The following ADCY10 variants were observed in gnomAD, a reference collection of about 807,000 sequenced individuals.
ADCY10 encodes the protein adenylate cyclase type 10.
In ADCY10, 156 loss-of-function variants were observed where a neutral mutation model predicts 183.3. The observed-to-expected ratio is 0.85, with a 90% CI of 0.75 to 0.97. The LOEUF (loss-of-function observed/expected upper bound fraction) is 0.97, where lower values mean the gene tolerates loss of function less well. Among genes scored for constraint, ADCY10 ranks in the 50% least tolerant of loss-of-function variants. The pLI, the probability that ADCY10 is intolerant of heterozygous loss-of-function variation, is 0.00. For synonymous variants in ADCY10, 645 were observed against 670.0 expected, an observed-to-expected ratio of 0.96 and a Z score of 0.58; for missense variants, 1,745 against 1,934.3, an observed-to-expected ratio of 0.90 and a Z score of 1.84.
rs544204191 is a variant in ADCY10 at position 167,878,441 on chromosome 1, C to T, written c.1406+5G>A. On this transcript the variant is annotated splice_donor_5th_base_variant and intron_variant, in intron 12 of 32. Transcript: ENST00000367851. The stretch of plus-strand genomic sequence containing the variant: ...TATACTTCAAAATTAATGCTCCACA[C>T]TCACACTTTCTCAGTACGGCCCCAA... 14 of 1,613,464 alleles carry T rather than the reference C, an allele frequency of 8.7e-6. No homozygotes were observed. The highest frequency in any genetic ancestry group is 8.3e-5 in the Admixed American group (5 of 60,018).
chr1:167,839,892 C>T (rs1234072510), intron 21 of ADCY10, among the ~76,000 whole-genome samples: 3 of 152,114 alleles, frequency 2.0e-5, no homozygotes, highest in South Asian at 4.2e-4. Flanking sequence ...AATGCTATTC[C>T]TTCTTCAACA....
At chr1:167,875,074 TC>T in intron 13 of ADCY10, 56 bp downstream of exon 13, 1 of 1,339,230 alleles carries the variant, frequency 7.5e-7, no homozygotes, top group Non-Finnish European at 1.1e-6. Flanking sequence ...GATGTACTTT[TC>T]TGCATGTTTT....
In ADCY10 at chr1:167,822,151, A is replaced by G. The variant is rs1662952220; in HGVS notation, c.4169-10T>C. ...GTTCTATAAACAAAACCTAAGAGAGAGAGGAATGGGTGAGAGTTATTAGTA... is the reference window on the plus strand; with the variant it reads ...GTTCTATAAACAAAACCTAAGAGAGGGAGGAATGGGTGAGAGTTATTAGTA... On this transcript the variant is annotated splice_polypyrimidine_tract_variant and intron_variant, in intron 29 of 32. Coordinates refer to ENST00000367851, the MANE Select transcript of ADCY10 (RefSeq NM_018417.6). The G allele has an allele frequency of 6.6e-7, 1 of 1,504,746 alleles. No homozygotes were observed. Among genetic ancestry groups the G allele is most frequent in the African/African-American group, 1.4e-5 (1 of 72,622 alleles). The allele number at this position is 1,504,746 out of a possible 1,614,324, so 93.2% of individuals were successfully genotyped here. A position where few individuals can be genotyped will look rare whatever the true frequency, so the allele number is the denominator to read the frequency against.
intron 6 of ADCY10, 116 bp downstream of exon 6, chr1:167,899,307 C>A: frequency 9.7e-7 from 1 of 1,027,064 alleles, no homozygotes. Context: ...AGACTGACCC[C>A]ATCCCAATCT....
At chr1:167,835,725 C>G (rs1360272184) in intron 23 of ADCY10, among the ~76,000 whole-genome samples, 1 of 152,070 alleles carries the variant, frequency 6.6e-6, no homozygotes, top group East Asian at 1.9e-4. Flanking sequence ...CCCATCTCTA[C>G]CAAGAACACA....
chr1:167,837,066 A>T (rs1168425253), intron 22 of ADCY10, 183 bp downstream of exon 22: 2 of 662,490 alleles, frequency 3.0e-6, no homozygotes, highest in Non-Finnish European at 5.4e-6. Flanking sequence ...TAAAAACAAA[A>T]GAGCAGGATA....
chr1:167,873,103 G>A (rs1023675006), intron 13 of ADCY10, among the ~76,000 whole-genome samples: 1 of 151,944 alleles, frequency 6.6e-6, no homozygotes, highest in African/African-American at 2.4e-5. Flanking sequence ...CACATAATGT[G>A]TTCTAATGTG....
At chr1:167,906,373 A>G (rs1207062958) in intron 1 of ADCY10, among the ~76,000 whole-genome samples, 1 of 152,110 alleles carries the variant, frequency 6.6e-6, no homozygotes, top group African/African-American at 2.4e-5. Flanking sequence ...TTTAAAAAAA[A>G]AAAGGGTAGC....
chr1:167,882,077 A>G (rs1327343700), intron 9 of ADCY10, among the ~76,000 whole-genome samples: 1 of 152,256 alleles, frequency 6.6e-6, no homozygotes, highest in Non-Finnish European at 1.5e-5. Context: ...GATGTGGGGC[A>G]GTAATTAAGT....
chr1:167,859,509 C>T (rs1666139217), intron 16 of ADCY10, among the ~76,000 whole-genome samples: 1 of 152,090 alleles, frequency 6.6e-6, no homozygotes, highest in South Asian at 2.1e-4. Context: ...GACGACAGAG[C>T]CTGCATATGT....
intron 25 of ADCY10, among the ~76,000 whole-genome samples, chr1:167,832,745 C>T (rs990459693): frequency 1.3e-5 from 2 of 152,132 alleles, no homozygotes; most frequent in African/African-American, 2.4e-5. Flanking sequence ...TACCTTACAA[C>T]GAGGTCCCTT....
chr1:167,882,090 T>A (rs1230143444), intron 9 of ADCY10, among the ~76,000 whole-genome samples: 1 of 152,228 alleles, frequency 6.6e-6, no homozygotes, highest in African/African-American at 2.4e-5. Context: ...AATTAAGTGC[T>A]CTGCTTTTAA....
chr1:167,844,780 T>C (rs76149749), intron 21 of ADCY10, among the ~76,000 whole-genome samples: 2,436 of 152,270 alleles, frequency 0.016, 39 homozygotes, highest in East Asian at 0.07. Context: ...ATTTTTAATA[T>C]CCTTATAATA....
chr1:167,841,799 C>T (rs1664672291), intron 21 of ADCY10, among the ~76,000 whole-genome samples: 1 of 152,128 alleles, frequency 6.6e-6, no homozygotes, highest in South Asian at 2.1e-4. Context: ...TGTTTTTGTT[C>T]TCCACTGTCT....
At chr1:167,865,305 G>C (rs2102090096) in intron 14 of ADCY10, among the ~76,000 whole-genome samples, 1 of 152,284 alleles carries the variant, frequency 6.6e-6, no homozygotes, top group South Asian at 2.1e-4. Flanking sequence ...AAAATTCTGT[G>C]TGTAAACTAA....
At position 167,833,154 on chromosome 1, in the gene ADCY10, G is replaced by C; in HGVS notation, c.3426C>G (p.Phe1142Leu). 6.2e-7 allele frequency: 1 copy of C among 1,614,110 alleles called. No individual in the cohort carries two copies. Among genetic ancestry groups the C allele is most frequent in the African/African-American group, 1.3e-5 (1 of 75,054 alleles). The change falls in exon 25 of 33, where the codon TTC becomes TTG. Residue 1142 changes from phenylalanine to leucine, a missense_variant. Phe to Leu is a conservative substitution (Grantham distance 22). Transcript: ENST00000367851. ...TFYSLKGEVC[F>L]NMGQIVLAKK... ...TGGCAAGCACTATCTGGCCCATATT[G>C]AAACAGACCTACAGGGAGGTGGGAG...
chr1:167,838,216 C>T (rs370032749), intron 21 of ADCY10, among the ~76,000 whole-genome samples: 11 of 152,182 alleles, frequency 7.2e-5, no homozygotes, highest in African/African-American at 2.2e-4. Flanking sequence ...CCTGTGTGCC[C>T]GTCAACCCTG....
intron 21 of ADCY10, among the ~76,000 whole-genome samples, chr1:167,842,079 C>G (rs1194160524): frequency 6.6e-6 from 1 of 152,158 alleles, no homozygotes; most frequent in Non-Finnish European, 1.5e-5. Flanking sequence ...ACATGAGGAT[C>G]AAAAGAGAAT....
At chr1:167,840,367 A>ATTTTTTTT (rs546653110) in intron 21 of ADCY10, among the ~76,000 whole-genome samples, 9,510 of 147,388 alleles carry the variant, frequency 0.065, 1,012 homozygotes, top group African/African-American at 0.22. Context: ...TATTATTACT[A>ATTTTTTTT]TTTTTTTTGG....
Sources: gnomAD v4.1 joint callset for allele counts (sites outside exome capture counted in the v4.1 genomes callset) on GRCh38, gnomAD v4.1.1 for gene constraint, MANE v1.5 for transcripts, NCBI Gene and HGNC (gene_info 2026-07-23, HGNC 2026-07-21) for gene names.